KDM5C: variants seen among roughly 807,000 people sequenced by gnomAD.
KDM5C encodes lysine-specific demethylase 5C.
KDM5C carries 16 observed loss-of-function variants against 110.6 expected under a neutral mutation model. That is an observed-to-expected ratio of 0.14 (90% confidence interval 0.10 to 0.22). The LOEUF (loss-of-function observed/expected upper bound fraction) is 0.22, where lower values mean the gene tolerates loss of function less well. Among genes scored for constraint, KDM5C ranks in the 10% least tolerant of loss-of-function variants. The pLI is 1.00. For missense variants in KDM5C, 681 were observed against 1,300.9 expected (o/e 0.52, Z 7.33); for synonymous variants, 511 against 520.4 (o/e 0.98, Z 0.24).
chrX:53,184,619 TG>T (rs1934168046), intron 25 of KDM5C, among the ~76,000 whole-genome samples: 1 of 112,026 alleles, frequency 8.9e-6, no homozygotes, highest in East Asian at 2.8e-4. Context: ...GTTATTACCT[TG>T]ATCGATTTTC....
intron 17 of KDM5C, among the ~76,000 whole-genome samples, chrX:53,198,165 T>G (rs1341759891): frequency 9.0e-6 from 1 of 111,731 alleles, no homozygotes; most frequent in African/African-American, 3.3e-5. Context: ...CTATACATCT[T>G]TGTCCTGTTC....
intron 3 of KDM5C, 118 bp from the exon 4 acceptor site, chrX:53,218,084 G>A: frequency 1.1e-6 from 1 of 908,659 alleles, no homozygotes; most frequent in Non-Finnish European, 1.6e-6. Context: ...ACTTCACTGG[G>A]GGCTATCCCC....
At chrX:53,218,794 A>G (rs1315741683) in intron 2 of KDM5C, 2 of 271,594 alleles carry the variant, frequency 7.4e-6, no homozygotes, top group Non-Finnish European at 1.4e-5. Context: ...GGCTGGTCTC[A>G]AACTCCTAAG....
At chrX:53,215,206 G>C in intron 7 of KDM5C, 1 of 379,300 alleles carries the variant, frequency 2.6e-6, no homozygotes, top group South Asian at 2.5e-5. Flanking sequence ...TGGGAGCCTA[G>C]AGAAGGAAGC....
At chrX:53,212,170 A>G (rs1219966167) in intron 8 of KDM5C, among the ~76,000 whole-genome samples, 1 of 111,829 alleles carries the variant, frequency 8.9e-6, no homozygotes, top group Non-Finnish European at 1.9e-5. Context: ...TCAAAACTCA[A>G]TTCCAGTCTC....
chrX:53,195,823 C>G (rs1934801421), intron 20 of KDM5C, 93 bp downstream of exon 20: 2 of 1,035,402 alleles, frequency 1.9e-6, no homozygotes, highest in African/African-American at 1.9e-5. Flanking sequence ...CCAGCCAACC[C>G]AACCCATCCC....
intron 12 of KDM5C, among the ~76,000 whole-genome samples, chrX:53,208,420 T>TATATATATATATATATATACACATAC (rs1569271814): frequency 6.2e-3 from 22 of 3,545 alleles, no homozygotes; most frequent in Non-Finnish European, 7.5e-3. Flanking sequence ...CACATACATA[T>TATATATATATATATATATACACATAC]ATATATATAT....
chrX:53,220,856 T>G lies in KDM5C; in HGVS notation c.211A>C (p.Arg71=), dbSNP rs782294133. ...CTTCTCACCTCTAGCTCATTCAGCC[T>G]CTGGATTCGGGGGGTAAACCTGAAG... is the stretch of plus-strand genomic sequence containing the variant. ...DNFRFTPRIQ[R]LNELEAQTRV... Residue 71 remains arginine, a synonymous_variant, in exon 2 of 26, where the codon AGG becomes CGG. Coordinates refer to ENST00000375401, the MANE Select transcript of KDM5C (RefSeq NM_004187.5). 8.3e-7 allele frequency: 1 copy of G among 1,210,526 alleles called. No individual in the cohort carries two copies. Among genetic ancestry groups the G allele is most frequent in the Admixed American group, 2.2e-5 (1 of 46,014 alleles).
Position 53,224,865 on chromosome X carries a change from G to C in KDM5C, c.25C>G (p.Leu9Val). The part of the protein sequence containing the change: MEPGSDDF[L>V]PPPECPVFEP... ...AACACCGGGCACTCCGGTGGCGGTA[G>C]GAAATCGTCGGACCCCGGCTCCATG... is the stretch of plus-strand genomic sequence containing the variant. The change falls in exon 1 of 26, where the codon CTA (leucine) becomes GTA (valine). Residue 9 changes from leucine (L) to valine (V), a missense_variant. This residue lies in a region of KDM5C where 15 missense variants were observed against 37.0 expected (regional missense o/e 0.41). Coordinates refer to ENST00000375401, the MANE Select transcript of KDM5C (RefSeq NM_004187.5). 1.7e-6 allele frequency: 2 copies of C among 1,208,594 alleles called. No individual in the cohort carries two copies. The highest frequency in any genetic ancestry group is 1.8e-5 in the South Asian group (1 of 56,552).
At chrX:53,195,857 A>G in intron 20 of KDM5C, 59 bp downstream of exon 20, 1 of 1,157,586 alleles carries the variant, frequency 8.6e-7, no homozygotes, top group East Asian at 3.1e-5. Context: ...ATCCCAGTGT[A>G]TATGCCATCT....
chrX:53,198,331 C>G lies in KDM5C; in HGVS notation c.2516+159G>C, dbSNP rs112194491. Among the ~76,000 whole-genome samples the G allele has an allele frequency of 0.015, 1,697 of 112,282 alleles. 24 individuals carry two copies. Among genetic ancestry groups the G allele is most frequent in the African/African-American group, 0.047 (1,464 of 30,915 alleles). On this transcript the variant is annotated intron_variant, in intron 17 of 25. Coordinates refer to ENST00000375401, the MANE Select transcript of KDM5C (RefSeq NM_004187.5). ...TAGGTGGCCTGGTCTCCTTGTCCCC[C>G]CCAACACCTTCCAGGCCATCTCACA...
At chrX:53,190,403 A>C (rs1934367742), downstream of KDM5C, among the ~76,000 whole-genome samples, 1 of 112,473 alleles carries the variant, frequency 8.9e-6, no homozygotes, top group Non-Finnish European at 1.9e-5. Context: ...TCCTGGGCCA[A>C]GCAGTTCTCT....
At chrX:53,211,740 A>G (rs2073567173) in intron 9 of KDM5C, 47 bp downstream of exon 9, 2 of 1,210,173 alleles carry the variant, frequency 1.7e-6, no homozygotes, top group East Asian at 5.9e-5. Flanking sequence ...TCTGGCATCA[A>G]TACCTATGAT....
rs782536051 is a variant in KDM5C, at chrX:53,183,575, C to CT, written c.4309-6954dup. 1.7e-3 allele frequency among the ~76,000 whole-genome samples: 154 copies of CT among 90,850 alleles called. 2 individuals are homozygous for CT. Among genetic ancestry groups the CT allele is most frequent in the South Asian group, 2.5e-3 (5 of 1,976 alleles). The allele number at this position is 90,850 out of a possible 115,157, so 78.9% of individuals were successfully genotyped here. ...CAGCTTTTTCATTTCTTTTTTTTTT[C>CT]TTTTTTTTTTTGAGACGGAGTCTTG... is the stretch of plus-strand genomic sequence containing the variant. On this transcript the variant is annotated intron_variant, in intron 25 of 25. Coordinates refer to the KDM5C transcript ENST00000685641.
At chrX:53,191,538 CA>C (rs1934418703), downstream of KDM5C, 7 of 173,054 alleles carry the variant, frequency 4.0e-5, no homozygotes, top group East Asian at 5.7e-4. Context: ...TTATATATAT[CA>C]ATAAGCTGTC....
chrX:53,190,126 G>A (rs1488912455), downstream of KDM5C, among the ~76,000 whole-genome samples: 1 of 112,445 alleles, frequency 8.9e-6, no homozygotes, highest in Non-Finnish European at 1.9e-5. Context: ...CCTTATCTGA[G>A]GGGGAGGGTG....
At chrX:53,179,774 G>A (rs1359767674) in intron 25 of KDM5C, among the ~76,000 whole-genome samples, 4 of 111,841 alleles carry the variant, frequency 3.6e-5, no homozygotes, top group African/African-American at 1.3e-4. Context: ...CCAGGACACC[G>A]ACAATACCAA....
downstream of KDM5C, chrX:53,191,935 C>T (rs141539936): frequency 5.7e-3 from 1,000 of 174,016 alleles, 11 homozygotes; most frequent in African/African-American, 0.028. Context: ...GGTGAGGGGG[C>T]CCGAGCCCAT....
chrX:53,190,728 G>C (rs1024166068), downstream of KDM5C, among the ~76,000 whole-genome samples: 5 of 111,768 alleles, frequency 4.5e-5, no homozygotes, highest in Non-Finnish European at 7.5e-5. Flanking sequence ...GATGAAGCAG[G>C]GCTGAGCCAG....
Sources: gnomAD v4.1 joint callset for allele counts (sites outside exome capture counted in the v4.1 genomes callset) on GRCh38, gnomAD v4.1.1 for gene constraint, gnomAD v4.1.1 regional missense constraint, MANE v1.5 for transcripts, NCBI Gene and HGNC (gene_info 2026-07-23, HGNC 2026-07-21) for gene names.